RICTOR: variants seen among roughly 807,000 people sequenced by gnomAD.
RICTOR encodes rapamycin-insensitive companion of mTOR.
Under a neutral mutation model 214.9 loss-of-function variants are expected in RICTOR, and 49 were observed. The ratio of observed to expected loss-of-function variants is 0.23; its 90% CI spans 0.18 to 0.29. The LOEUF (loss-of-function observed/expected upper bound fraction) is 0.29. RICTOR is among the 10% of genes least tolerant of loss of function. The pLI, the probability that RICTOR is intolerant of heterozygous loss-of-function variation, is 1.00. For synonymous variants in RICTOR, 717 were observed against 711.3 expected, an observed-to-expected ratio of 1.01 and a Z score of -0.13; for missense variants, 1,625 against 2,047.0, an observed-to-expected ratio of 0.79 and a Z score of 3.98.
intron 7 of RICTOR, among the ~76,000 whole-genome samples, chr5:38,988,287 T>G (rs1224599094): frequency 2.6e-5 from 4 of 152,170 alleles, no homozygotes; most frequent in Non-Finnish European, 4.4e-5. Flanking sequence ...ATATTGACAG[T>G]GGAGTGTTAA....
chr5:38,958,989 T>C (rs1749556297), intron 22 of RICTOR, among the ~76,000 whole-genome samples, 158 bp from the exon 23 acceptor site: 1 of 152,104 alleles, frequency 6.6e-6, no homozygotes, highest in Non-Finnish European at 1.5e-5. Context: ...TCTTGTGAAA[T>C]AGAATACTTC....
chr5:38,984,857 T>C (rs1752033265), intron 7 of RICTOR, among the ~76,000 whole-genome samples: 1 of 152,196 alleles, frequency 6.6e-6, no homozygotes, highest in African/African-American at 2.4e-5. Context: ...TCTCGCTCTA[T>C]CACCCCAGCT....
At chr5:39,050,611 C>A (rs1757772927) in intron 2 of RICTOR, among the ~76,000 whole-genome samples, 1 of 151,978 alleles carries the variant, frequency 6.6e-6, no homozygotes, top group African/African-American at 2.4e-5. Flanking sequence ...TGCTGGATTA[C>A]AGGAGTGAGC....
chr5:38,997,854 T>C (rs1438900999), intron 5 of RICTOR, among the ~76,000 whole-genome samples: 1 of 152,148 alleles, frequency 6.6e-6, no homozygotes, highest in Non-Finnish European at 1.5e-5. Context: ...GAGGTTTAAC[T>C]TCAGGGCAGC....
At chr5:39,062,816 A>C (rs1237249202) in intron 2 of RICTOR, among the ~76,000 whole-genome samples, 1 of 152,158 alleles carries the variant, frequency 6.6e-6, no homozygotes, top group Non-Finnish European at 1.5e-5. Flanking sequence ...TTGCTGCTAT[A>C]ATAGAGCAAT....
At chr5:39,019,861 C>G (rs1291776558) in intron 3 of RICTOR, among the ~76,000 whole-genome samples, 2 of 152,126 alleles carry the variant, frequency 1.3e-5, no homozygotes, top group African/African-American at 4.8e-5. Flanking sequence ...AAACTGAAAA[C>G]CTTCTGGAAA....
intron 7 of RICTOR, among the ~76,000 whole-genome samples, chr5:38,988,494 A>C (rs1752341665): frequency 6.6e-6 from 1 of 152,078 alleles, no homozygotes; most frequent in Non-Finnish European, 1.5e-5. Context: ...AGTCTGTTTT[A>C]TCAGAGACTA....
chr5:39,064,623 T>C (rs1415590741), intron 2 of RICTOR, among the ~76,000 whole-genome samples: 3 of 152,202 alleles, frequency 2.0e-5, no homozygotes, highest in Admixed American at 6.5e-5. Context: ...CGCAGTCTTA[T>C]TCTTGGTAGC....
intron 6 of RICTOR, among the ~76,000 whole-genome samples, chr5:38,996,529 T>C (rs1282264894): frequency 6.6e-6 from 1 of 152,158 alleles, no homozygotes; most frequent in African/African-American, 2.4e-5. Context: ...CTCTAGTAAC[T>C]TATCAAAGCA....
intron 29 of RICTOR, among the ~76,000 whole-genome samples, chr5:38,952,706 T>TG (rs927895972): frequency 1.3e-5 from 2 of 151,980 alleles, no homozygotes; most frequent in Non-Finnish European, 1.5e-5. Context: ...AGTATAAATC[T>TG]GGAACAGCTG....
Position 38,950,123 on chromosome 5 carries a change from C to T in RICTOR, c.3725G>A (p.Gly1242Asp), listed in dbSNP as rs369422157. 3 of 1,613,322 alleles carry T rather than the reference C, an allele frequency of 1.9e-6. No homozygotes were observed. Among genetic ancestry groups the T allele is most frequent in the Admixed American group, 1.7e-5 (1 of 59,954 alleles). Residue 1242 changes from glycine to aspartate, a missense_variant, in exon 31 of 38, where the codon GGT (glycine) becomes GAT (aspartate). By Grantham distance (94) the Gly-to-Asp change is moderately conservative (BLOSUM62 -1). Around this residue, in one of 5 missense-constraint regions of RICTOR, gnomAD observed 1,214 missense variants for 1,470.5 expected, o/e 0.83. Transcript: ENST00000357387. Reference sequence around the variant, plus strand: ...TGTGTCCATAGTTGTAGCATCTACACCTACTGTCTCTCGTGAAGGACTTGA... The same window carrying T: ...TGTGTCCATAGTTGTAGCATCTACATCTACTGTCTCTCGTGAAGGACTTGA... ...MSSSPSRETV[G>D]VDATTMDTDC...
chr5:38,993,386 T>C (rs1382550780), intron 6 of RICTOR, among the ~76,000 whole-genome samples: 1 of 151,646 alleles, frequency 6.6e-6, no homozygotes, highest in Non-Finnish European at 1.5e-5. Context: ...AGAATAGTAG[T>C]AACTGACTAG....
At chr5:38,990,529 A>ATATACACGATATATACAC (rs1561500738) in intron 7 of RICTOR, among the ~76,000 whole-genome samples, 2 of 147,210 alleles carry the variant, frequency 1.4e-5, no homozygotes, top group African/African-American at 5.1e-5. Flanking sequence ...TATATACGAT[A>ATATACACGATATATACAC]TATATACGAT....
intron 11 of RICTOR, 125 bp from the exon 12 acceptor site, chr5:38,968,155 C>T (rs1750389145): frequency 6.3e-6 from 4 of 630,664 alleles, no homozygotes; most frequent in Non-Finnish European, 1.2e-5. Flanking sequence ...TGTCACATAA[C>T]AATATTTTAG....
In RICTOR at chr5:38,962,870, C is replaced by T. The variant is rs576389989; in HGVS notation, c.1566+6G>A. 7 of 1,607,928 alleles carry T rather than the reference C, an allele frequency of 4.4e-6. No individual in the cohort carries two copies. The Admixed American group carries it at 8.3e-5, about 19-fold the overall frequency. On this transcript the variant is annotated splice_donor_region_variant and intron_variant, in intron 17 of 37. Transcript: ENST00000357387. ...TAAGATGAAAATCATGATTTCATGTCAGCACCTTAAGGATAAATATATCTT... is the reference window on the plus strand; with the variant it reads ...TAAGATGAAAATCATGATTTCATGTTAGCACCTTAAGGATAAATATATCTT...
In RICTOR at chr5:38,981,854, T is replaced by G; in HGVS notation, c.753+13A>C. Reference sequence around the variant, plus strand: ...AATATTTTAAAACTAGAAAAGAATATTAAAGTTCCTACCTCTAATTCTACA... The same window carrying G: ...AATATTTTAAAACTAGAAAAGAATAGTAAAGTTCCTACCTCTAATTCTACA... On this transcript the variant is annotated intron_variant, in intron 8 of 37. Transcript: ENST00000357387. The G allele has an allele frequency of 6.3e-7, 1 of 1,575,014 alleles. No homozygotes were observed.
At position 38,994,451 on chromosome 5, in the gene RICTOR, A is replaced by AAAG. The variant is rs1304761708; in HGVS notation, c.456+2367_456+2368insCTT. On this transcript the variant is annotated intron_variant, in intron 6 of 37. Coordinates refer to ENST00000357387, the MANE Select transcript of RICTOR (RefSeq NM_152756.5). ...AAAAAAAAAAAAAAAAAAAAAAAAAAAGTGCTTCAGATGCCAAAAGCACTA... is the reference window on the plus strand; with the variant it reads ...AAAAAAAAAAAAAAAAAAAAAAAAAAAAGAGTGCTTCAGATGCCAAAAGCACTA... 1.1e-3 allele frequency among the ~76,000 whole-genome samples: 109 copies of AAAG among 101,548 alleles called. 18 individuals carry two copies. Among genetic ancestry groups the AAAG allele is most frequent in the African/African-American group, 1.7e-3 (47 of 27,298 alleles). 66.6% of individuals were successfully genotyped at this position (101,548 alleles called of 152,430 possible).
At chr5:38,947,115 T>C (rs1748297328) in intron 32 of RICTOR, 149 bp downstream of exon 32, 3 of 598,804 alleles carry the variant, frequency 5.0e-6, no homozygotes, top group South Asian at 4.7e-5. Context: ...ATAATTTTAA[T>C]CTTAAAGTTT....
intron 36 of RICTOR, 49 bp downstream of exon 36, chr5:38,944,397 C>T (rs752834166): frequency 3.8e-6 from 6 of 1,565,794 alleles, no homozygotes; most frequent in South Asian, 3.5e-5. Flanking sequence ...CTTTTCTCGA[C>T]TTAAAAAACA....
Sources: allele counts gnomAD v4.1 joint callset (sites outside exome capture counted in the v4.1 genomes callset), GRCh38; gene constraint gnomAD v4.1.1; regional missense constraint gnomAD v4.1.1; transcripts MANE v1.5; gene names NCBI Gene and HGNC (gene_info 2026-07-23, HGNC 2026-07-21).